SCFD2: variants seen among roughly 807,000 people sequenced by gnomAD.
SCFD2 encodes the protein sec1 family domain containing 2, also known as sec1 family domain-containing protein 2.
Under a neutral mutation model 58.9 loss-of-function variants are expected in SCFD2, and 54 were observed. That is an observed-to-expected ratio of 0.92 (90% CI 0.74 to 1.15). The LOEUF (loss-of-function observed/expected upper bound fraction) is 1.15, where lower values mean the gene tolerates loss of function less well. SCFD2 is among the 50% of genes most tolerant of loss of function. The probability of loss-of-function intolerance (pLI) is 0.00; values close to 1 mark genes in which losing one functional copy is unlikely to be tolerated. For synonymous variants in SCFD2, 321 were observed against 335.9 expected (o/e 0.96, Z 0.49); for missense variants, 805 against 836.6 (o/e 0.96, Z 0.47).
intron 4 of SCFD2, among the ~76,000 whole-genome samples, chr4:53,238,536 C>T (rs1475364848): frequency 3.3e-5 from 5 of 151,296 alleles, no homozygotes; most frequent in South Asian, 2.1e-4. Context: ...GGGTGGCTGC[C>T]GGGCGGAGAC....
chr4:53,216,210 C>T (rs1331093637), intron 4 of SCFD2, among the ~76,000 whole-genome samples: 1 of 152,102 alleles, frequency 6.6e-6, no homozygotes, highest in Non-Finnish European at 1.5e-5. Flanking sequence ...GGAATTGTTT[C>T]AGAAGGAATG....
intron 4 of SCFD2, among the ~76,000 whole-genome samples, chr4:53,186,402 T>G (rs1212226681): frequency 6.6e-6 from 1 of 152,106 alleles, no homozygotes; most frequent in Admixed American, 6.6e-5. Context: ...GACTCTGTCT[T>G]ACTCACTTTT....
intron 4 of SCFD2, among the ~76,000 whole-genome samples, chr4:53,161,445 A>C (rs1175944983): frequency 6.6e-6 from 1 of 152,226 alleles, no homozygotes; most frequent in African/African-American, 2.4e-5. Context: ...CAAATAATCT[A>C]ATTCAGCTAC....
rs565358768 is a variant in SCFD2 at position 52,967,780 on chromosome 4, C to G, written c.1562-46910G>C. On this transcript the variant is annotated intron_variant, in intron 5 of 8. Coordinates refer to ENST00000401642, the MANE Select transcript of SCFD2 (RefSeq NM_152540.4). ...CAGTGTTTTCTGAGCCATGCCTGAGCTTGTGAGACCCTTTGTCTACCCTCT... is the reference window on the plus strand; with the variant it reads ...CAGTGTTTTCTGAGCCATGCCTGAGGTTGTGAGACCCTTTGTCTACCCTCT... Among the ~76,000 whole-genome samples the G allele has an allele frequency of 1.2e-4, 19 of 152,262 alleles. No individual in the cohort carries two copies. The East Asian group carries it at 3.1e-3, about 25-fold the overall frequency.
intron 6 of SCFD2, 98 bp from the exon 7 acceptor site, chr4:52,907,689 G>C (rs1246726249): frequency 8.9e-7 from 1 of 1,126,128 alleles, no homozygotes; most frequent in Non-Finnish European, 1.3e-6. Flanking sequence ...AGTTTATTTT[G>C]ATACTGAGCA....
Position 53,255,889 on chromosome 4 carries a change from G to C in SCFD2, c.1311+17937C>G, listed in dbSNP as rs1395850369. On this transcript the variant is annotated intron_variant, in intron 4 of 8. Transcript: ENST00000401642. ...GGACGGGGCGGCTGGCCGGGCAGAG[G>C]GGCTCCTCACTTCCCAGTAGGGGCG... is the stretch of plus-strand genomic sequence containing the variant. Among the ~76,000 whole-genome samples, 4 of 140,576 alleles carry C rather than the reference G, an allele frequency of 2.8e-5. 1 individual carries two copies. In the South Asian group the frequency reaches 8.9e-4, roughly 31 times the overall value. 92.2% of individuals were successfully genotyped at this position (140,576 alleles called of 152,430 possible).
chr4:52,905,677 C>A (rs1271805565), intron 7 of SCFD2, among the ~76,000 whole-genome samples: 2 of 152,218 alleles, frequency 1.3e-5, no homozygotes, highest in Non-Finnish European at 2.9e-5. Context: ...GAGAGAAACA[C>A]AACAGCCCAG....
chr4:53,227,105 C>A (rs1478061692), intron 4 of SCFD2, among the ~76,000 whole-genome samples: 1 of 152,142 alleles, frequency 6.6e-6, no homozygotes, highest in South Asian at 2.1e-4. Context: ...TATGTGTGAC[C>A]TCTGTAAGCG....
At chr4:52,963,707 T>C (rs1720901421) in intron 5 of SCFD2, among the ~76,000 whole-genome samples, 1 of 152,194 alleles carries the variant, frequency 6.6e-6, no homozygotes, top group Non-Finnish European at 1.5e-5. Context: ...ATAGCTCCTT[T>C]GAGACAGGAT....
At chr4:53,103,284 G>A (rs73141493) in intron 5 of SCFD2, among the ~76,000 whole-genome samples, 6,072 of 152,094 alleles carry the variant, frequency 0.04, 406 homozygotes, top group African/African-American at 0.14. Flanking sequence ...AGTATTGTGG[G>A]TGAGTAGGGG....
chr4:53,248,331 C>A (rs1730191289), intron 4 of SCFD2, among the ~76,000 whole-genome samples: 1 of 152,198 alleles, frequency 6.6e-6, no homozygotes, highest in Non-Finnish European at 1.5e-5. Context: ...TGCAAGGTGG[C>A]AGCGAGGATG....
intron 7 of SCFD2, among the ~76,000 whole-genome samples, chr4:52,886,783 A>G (rs1434629109): frequency 6.6e-6 from 1 of 152,264 alleles, no homozygotes; most frequent in Non-Finnish European, 1.5e-5. Flanking sequence ...TGTATAACAC[A>G]GTACCTTATT....
At chr4:52,954,161 T>A (rs1450699773) in intron 5 of SCFD2, among the ~76,000 whole-genome samples, 1 of 152,210 alleles carries the variant, frequency 6.6e-6, no homozygotes, top group Non-Finnish European at 1.5e-5. Flanking sequence ...CATTTTCCAT[T>A]CTTGACAGTA....
At chr4:52,941,449 C>A (rs890483626) in intron 5 of SCFD2, among the ~76,000 whole-genome samples, 4 of 152,188 alleles carry the variant, frequency 2.6e-5, no homozygotes, top group Non-Finnish European at 5.9e-5. Context: ...GAAAACTAAA[C>A]ACTCAACTTC....
chr4:53,107,850 T>A (rs1039114870), intron 5 of SCFD2, among the ~76,000 whole-genome samples: 1 of 152,200 alleles, frequency 6.6e-6, no homozygotes, highest in Non-Finnish European at 1.5e-5. Context: ...ATTCAGGACT[T>A]GAACTCAGTT....
At chr4:53,006,533 C>T (rs890281131) in intron 5 of SCFD2, among the ~76,000 whole-genome samples, 1 of 152,200 alleles carries the variant, frequency 6.6e-6, no homozygotes, top group African/African-American at 2.4e-5. Flanking sequence ...ATAAACATGC[C>T]TCTCCTGTCC....
intron 5 of SCFD2, among the ~76,000 whole-genome samples, chr4:53,084,444 T>C (rs1258455583): frequency 6.6e-6 from 1 of 152,172 alleles, no homozygotes; most frequent in Non-Finnish European, 1.5e-5. Flanking sequence ...GATTTCATAC[T>C]GTTCACACAT....
At chr4:53,108,733 C>A (rs1725077563) in intron 5 of SCFD2, among the ~76,000 whole-genome samples, 1 of 152,054 alleles carries the variant, frequency 6.6e-6, no homozygotes, top group African/African-American at 2.4e-5. Flanking sequence ...TAATAGCCTA[C>A]CAACCAAAAA....
rs565004233 is a variant in SCFD2, at chr4:52,882,172, A to T, written c.1962+3575T>A. Among the ~76,000 whole-genome samples, 3 of 152,326 alleles carry T rather than the reference A, an allele frequency of 2.0e-5. No individual in the cohort carries two copies. The South Asian group carries it at 6.2e-4, about 32-fold the overall frequency. ...GGATTCAGGTCCATTTCACAGGGTA[A>T]GAGTGGGGTGGCTACAGGAACTGAT... On this transcript the variant is annotated intron_variant, in intron 8 of 8. Transcript: ENST00000401642.
Sources: gnomAD v4.1 joint callset for allele counts (sites outside exome capture counted in the v4.1 genomes callset) on GRCh38, gnomAD v4.1.1 for gene constraint, MANE v1.5 for transcripts, NCBI Gene and HGNC (gene_info 2026-07-23, HGNC 2026-07-21) for gene names.